Variants in TMEM14C observed in about 807,000 individuals in gnomAD.
The protein encoded by TMEM14C is chromosome 6 open reading frame 53.
In TMEM14C, 13 loss-of-function variants were observed where a neutral mutation model predicts 14.8. The observed-to-expected ratio is 0.88, with a 90% CI of 0.57 to 1.40. The LOEUF (loss-of-function observed/expected upper bound fraction) is 1.40, where lower values mean the gene tolerates loss of function less well. TMEM14C is among the 40% of genes most tolerant of loss of function. The pLI is 0.00. For missense variants in TMEM14C, 142 were observed against 138.8 expected (o/e 1.02, Z -0.12); for synonymous variants, 57 against 51.3 (o/e 1.11, Z -0.48).
In TMEM14C at chr6:10,730,806, G is replaced by C; in HGVS notation, c.*140G>C. On this transcript the variant is annotated 3_prime_UTR_variant, in exon 6 of 6. Coordinates refer to ENST00000229563, the MANE Select transcript of TMEM14C (RefSeq NM_016462.4). ...AAAAAAAGACACCAAACTTGGCAGA[G>C]AGGTGGAAAATCAGTCATGATTACA... The C allele has an allele frequency of 2.9e-6, 4 of 1,360,874 alleles. No individual in the cohort carries two copies. Among genetic ancestry groups the C allele is most frequent in the Non-Finnish European group, 2.9e-6 (3 of 1,050,778 alleles). 84.3% of individuals were successfully genotyped at this position (1,360,874 alleles called of 1,614,324 possible).
intron 4 of TMEM14C, 35 bp from the exon 5 acceptor site, chr6:10,728,605 T>G: frequency 6.2e-7 from 1 of 1,605,822 alleles, no homozygotes; most frequent in Non-Finnish European, 8.5e-7. Flanking sequence ...GAAGATGTAA[T>G]GAGTTTTAAC....
chr6:10,724,447 T>C (rs1770794557), intron 1 of TMEM14C, 123 bp from the exon 2 acceptor site: 1 of 655,780 alleles, frequency 1.5e-6, no homozygotes, highest in South Asian at 1.9e-5. Flanking sequence ...ACCAGTGTTA[T>C]CCTCATGGTA....
intron 4 of TMEM14C, 21 bp from the exon 5 acceptor site, chr6:10,728,616 ACTT>A (rs1435997839): frequency 1.2e-6 from 2 of 1,611,608 alleles, no homozygotes; most frequent in Non-Finnish European, 1.7e-6. Flanking sequence ...GAGTTTTAAC[ACTT>A]CTTTATATGT....
chr6:10,723,132 C>A lies in TMEM14C; in HGVS notation c.-154C>A, dbSNP rs1375225072. 3 of 152,346 alleles carry A rather than the reference C, an allele frequency of 2.0e-5. No homozygotes were observed. The highest frequency in any genetic ancestry group is 7.2e-5 in the African/African-American group (3 of 41,464). 9.4% of individuals were successfully genotyped at this position (152,346 alleles called of 1,614,324 possible). A position where few individuals can be genotyped will look rare whatever the true frequency, so the allele number is the denominator to read the frequency against. ...CACAACAGAGCCGCTCCCCTCTCCTCGCCCCGCCACCGGGACGGAGAGCGC... is the reference window on the plus strand; with the variant it reads ...CACAACAGAGCCGCTCCCCTCTCCTAGCCCCGCCACCGGGACGGAGAGCGC... On this transcript the variant is annotated 5_prime_UTR_variant, in exon 1 of 6. Transcript: ENST00000229563.
At chr6:10,726,063 C>T in intron 4 of TMEM14C, 55 bp downstream of exon 4, 1 of 1,600,454 alleles carries the variant, frequency 6.2e-7, no homozygotes, top group African/African-American at 1.3e-5. Flanking sequence ...ATACTCTTTT[C>T]CAAAAGACCC....
rs1770843788 is a variant in TMEM14C at position 10,725,830 on chromosome 6, G to A, written c.98-77G>A. On this transcript the variant is annotated intron_variant, in intron 3 of 5. Coordinates refer to ENST00000229563, the MANE Select transcript of TMEM14C (RefSeq NM_016462.4). ...GTTCTCTGTGCTGTCCTCCTTTGTA[G>A]GGCAGCGGTCTGGGGGATTCCGTTA... 3 of 1,577,140 alleles carry A rather than the reference G, an allele frequency of 1.9e-6. No individual in the cohort carries two copies. In the South Asian group the frequency reaches 3.4e-5, roughly 18 times the overall value.
In TMEM14C at chr6:10,724,714, G is replaced by C. The variant is rs987843835; in HGVS notation, c.20+81G>C. On this transcript the variant is annotated intron_variant, in intron 2 of 5. Coordinates refer to ENST00000229563, the MANE Select transcript of TMEM14C (RefSeq NM_016462.4). ...TTTCCTTAGCTGAAAAGAACCTTAA[G>C]AGTAGACTGCCTGGGATGGCATGGG... is the stretch of plus-strand genomic sequence containing the variant. The C allele has an allele frequency of 7.2e-6, 11 of 1,524,312 alleles. No homozygotes were observed. In the Admixed American group the frequency reaches 2.0e-4, roughly 28 times the overall value. The allele number at this position is 1,524,312 out of a possible 1,614,324, so 94.4% of individuals were successfully genotyped here.
intron 4 of TMEM14C, among the ~76,000 whole-genome samples, chr6:10,727,073 C>G (rs908560104): frequency 6.6e-5 from 10 of 152,168 alleles, no homozygotes; most frequent in African/African-American, 2.4e-4. Flanking sequence ...TTCTCTGATG[C>G]TACTCTACTC....
rs187257294 is a variant in TMEM14C, at chr6:10,725,225, C to T, written c.97+188C>T. Among the ~76,000 whole-genome samples the T allele has an allele frequency of 1.4e-3, 214 of 152,268 alleles. 1 individual carries two copies. Among genetic ancestry groups the T allele is most frequent in the Non-Finnish European group, 1.3e-3 (91 of 68,030 alleles). On this transcript the variant is annotated intron_variant, in intron 3 of 5. Transcript: ENST00000229563. ...CCTTTGGTTATCTGGTGAAGCTGAG[C>T]CAGGCCTCTTTTGGAATTACTTGTT... is the stretch of plus-strand genomic sequence containing the variant.
chr6:10,729,371 G>T (rs1770964755), intron 5 of TMEM14C, among the ~76,000 whole-genome samples: 1 of 152,130 alleles, frequency 6.6e-6, no homozygotes, highest in Non-Finnish European at 1.5e-5. Context: ...CTGATCTTGT[G>T]ATCCGCCCAC....
At chr6:10,725,477 C>T (rs1034491611) in intron 3 of TMEM14C, among the ~76,000 whole-genome samples, 8 of 152,124 alleles carry the variant, frequency 5.3e-5, no homozygotes, top group Non-Finnish European at 5.9e-5. Context: ...CCCACCCCAA[C>T]CCCTGCACCA....
At chr6:10,725,275 CA>C (rs978334958) in intron 3 of TMEM14C, among the ~76,000 whole-genome samples, 3 of 152,128 alleles carry the variant, frequency 2.0e-5, no homozygotes, top group African/African-American at 7.2e-5. Context: ...TACAGATAGG[CA>C]GGGGCGGTTG....
intron 4 of TMEM14C, among the ~76,000 whole-genome samples, chr6:10,726,322 C>T (rs1277089333): frequency 6.6e-6 from 1 of 152,206 alleles, no homozygotes; most frequent in African/African-American, 2.4e-5. Context: ...TTGGCTTCAG[C>T]ATCACTAAAC....
intron 5 of TMEM14C, among the ~76,000 whole-genome samples, chr6:10,729,366 C>A (rs1464492774): frequency 1.3e-5 from 2 of 152,154 alleles, no homozygotes; most frequent in Non-Finnish European, 2.9e-5. Flanking sequence ...AACTCCTGAT[C>A]TTGTGATCCG....
intron 3 of TMEM14C, 80 bp downstream of exon 3, chr6:10,725,117 C>T: frequency 6.4e-7 from 1 of 1,557,900 alleles, no homozygotes; most frequent in Non-Finnish European, 8.8e-7. Context: ...CCCTGAGAAG[C>T]AATCTCATTT....
At chr6:10,724,875 A>G (rs896357463) in intron 2 of TMEM14C, 86 bp from the exon 3 acceptor site, 8 of 1,500,364 alleles carry the variant, frequency 5.3e-6, no homozygotes, top group South Asian at 4.5e-5. Flanking sequence ...CCTGTGGGGA[A>G]TGATTACCTT....
intron 1 of TMEM14C, among the ~76,000 whole-genome samples, chr6:10,723,922 A>G (rs899979819): frequency 6.6e-6 from 1 of 152,222 alleles, no homozygotes; most frequent in Non-Finnish European, 1.5e-5. Context: ...TAAACAGAAT[A>G]AACGGGGTAT....
At chr6:10,727,073 C>T (rs908560104) in intron 4 of TMEM14C, among the ~76,000 whole-genome samples, 2 of 152,168 alleles carry the variant, frequency 1.3e-5, no homozygotes, top group African/African-American at 2.4e-5. Context: ...TTCTCTGATG[C>T]TACTCTACTC....
chr6:10,724,076 C>A (rs865893931), intron 1 of TMEM14C, among the ~76,000 whole-genome samples: 4 of 152,178 alleles, frequency 2.6e-5, no homozygotes, highest in Non-Finnish European at 5.9e-5. Context: ...GCCCTCCTAA[C>A]AAGAACTGTG....
Sources: gnomAD v4.1 joint callset for allele counts (sites outside exome capture counted in the v4.1 genomes callset) on GRCh38, gnomAD v4.1.1 for gene constraint, MANE v1.5 for transcripts, NCBI Gene and HGNC (gene_info 2026-07-23, HGNC 2026-07-21) for gene names.